The following GIMAP1 variants were observed in gnomAD, a reference collection of about 807,000 sequenced individuals.
GIMAP1 encodes GTPase IMAP family member 1.
For missense variants in GIMAP1, 423 were observed against 411.9 expected, an observed-to-expected ratio of 1.03 and a Z score of -0.23; for synonymous variants, 230 against 187.7, an observed-to-expected ratio of 1.23 and a Z score of -1.84.
chr7:150,720,491 C>A lies in GIMAP1; in HGVS notation c.487C>A (p.His163Asn), dbSNP rs756082459. ...RKEDLAGGSLHDYVSNTENRA... is the reference protein window; with the variant it reads ...RKEDLAGGSLNDYVSNTENRA... ...GGAGGACCTGGCCGGGGGCTCCCTG[C>A]ACGATTACGTGAGCAACACAGAGAA... Residue 163 changes from histidine (H) to asparagine (N), a missense_variant, in exon 3 of 3, where the codon CAC becomes AAC. By Grantham distance (68) the His-to-Asn change is moderately conservative. Transcript: ENST00000307194. The surrounding 1 kb of genome is among the most constrained non-coding windows in gnomAD (Gnocchi z 4.5). The A allele has an allele frequency of 7.6e-6, 12 of 1,580,332 alleles. No individual in the cohort carries two copies. The highest frequency in any genetic ancestry group is 1.0e-5 in the Non-Finnish European group (12 of 1,162,698).
intron 1 of GIMAP1, among the ~76,000 whole-genome samples, 169 bp downstream of exon 1, chr7:150,716,859 G>A (rs986789413): frequency 3.3e-5 from 5 of 152,064 alleles, no homozygotes; most frequent in Non-Finnish European, 7.4e-5. Flanking sequence ...AGTAGGCAAA[G>A]TTCAGAGGAA....
At position 150,720,062 on chromosome 7, in the gene GIMAP1, G is replaced by A. The variant is rs987918385; in HGVS notation, c.58G>A (p.Ala20Thr). ...EENVYGLEEN[A>T]QSRQESTRRL... ...TGGTCTCACAGGTTTAGAAGAGAAC[G>A]CTCAGTCCCGGCAGGAGTCCACGCG... is the stretch of plus-strand genomic sequence containing the variant. Residue 20 changes from alanine to threonine, a missense_variant, in exon 3 of 3, where the codon GCT (alanine) becomes ACT (threonine). Physicochemically the swap from Ala to Thr is moderately conservative, Grantham distance 58 (BLOSUM62 0). Transcript: ENST00000307194. This position sits in a 1 kb window ranked among gnomAD's most constrained non-coding sequence, Gnocchi z 4.5. 8 of 1,599,218 alleles carry A rather than the reference G, an allele frequency of 5.0e-6. No homozygotes were observed. Among genetic ancestry groups the A allele is most frequent in the South Asian group, 1.1e-5 (1 of 89,824 alleles).
At chr7:150,717,069 T>C (rs1797227286) in intron 1 of GIMAP1, among the ~76,000 whole-genome samples, 1 of 152,192 alleles carries the variant, frequency 6.6e-6, no homozygotes, top group South Asian at 2.1e-4. Flanking sequence ...TATGGCCCCA[T>C]AAGCCATCTA....
intron 1 of GIMAP1, among the ~76,000 whole-genome samples, chr7:150,717,447 T>C (rs1000027600): frequency 1.3e-5 from 2 of 152,172 alleles, no homozygotes; most frequent in Non-Finnish European, 2.9e-5. Context: ...GGTGAAGAAC[T>C]CAATAAACTT....
In GIMAP1 at chr7:150,720,598, A is replaced by G. The variant is rs549321304; in HGVS notation, c.594A>G (p.Glu198=). The G allele has an allele frequency of 1.1e-5, 18 of 1,613,810 alleles. No individual in the cohort carries two copies. In the South Asian group the frequency reaches 1.9e-4, roughly 17 times the overall value. The change falls in exon 3 of 3, where the codon GAA becomes GAG. Residue 198 remains glutamate (E), a synonymous_variant. Transcript: ENST00000307194. The surrounding 1 kb of genome is among the most constrained non-coding windows in gnomAD (Gnocchi z 4.5). ...ACCGGGCCACCGGCCGGGAGCAGGA[A>G]GCCCAGGTGGAGCAGCTGCTGGGGA... ...FDNRATGREQ[E]AQVEQLLGMV...
At chr7:150,717,676 T>G (rs533020686) in intron 1 of GIMAP1, among the ~76,000 whole-genome samples, 19 of 152,328 alleles carry the variant, frequency 1.2e-4, no homozygotes, top group African/African-American at 4.6e-4. Flanking sequence ...TTTTCTTGGT[T>G]GACAAGGACA....
At chr7:150,717,528 G>A (rs573295249) in intron 1 of GIMAP1, among the ~76,000 whole-genome samples, 5 of 151,996 alleles carry the variant, frequency 3.3e-5, no homozygotes, top group African/African-American at 1.2e-4. Flanking sequence ...AGGGCCATTT[G>A]TCACCTCAGA....
At chr7:150,719,809 AG>A (rs1322903273) in intron 2 of GIMAP1, among the ~76,000 whole-genome samples, 5 of 152,262 alleles carry the variant, frequency 3.3e-5, no homozygotes, top group African/African-American at 1.2e-4. Context: ...GTGGATGACC[AG>A]AAATGTCAGA....
In GIMAP1 at chr7:150,724,140, G is replaced by T. The variant is rs1797346778; in HGVS notation, c.*3215G>T. On this transcript the variant is annotated 3_prime_UTR_variant, in exon 3 of 3. Transcript: ENST00000307194. Reference sequence around the variant, plus strand: ...AAGAGAATTTCTGTAAATTCTTGGGGAAGCTATAGCTAGACTATGGCTCAA... The same window carrying T: ...AAGAGAATTTCTGTAAATTCTTGGGTAAGCTATAGCTAGACTATGGCTCAA... 1 of 152,080 alleles carries T rather than the reference G, an allele frequency of 6.6e-6. No homozygotes were observed. Among genetic ancestry groups the T allele is most frequent in the East Asian group, 1.9e-4 (1 of 5,170 alleles). 9.4% of individuals were successfully genotyped at this position (152,080 alleles called of 1,614,324 possible). A position where few individuals can be genotyped will look rare whatever the true frequency, so the allele number is the denominator to read the frequency against.
At position 150,723,645 on chromosome 7, in the gene GIMAP1, A is replaced by C. The variant is rs1373196087; in HGVS notation, c.*2720A>C. 6.6e-6 allele frequency: 1 copy of C among 152,138 alleles called. No individual in the cohort carries two copies. Among genetic ancestry groups the C allele is most frequent in the Non-Finnish European group, 1.5e-5 (1 of 68,032 alleles). The allele number at this position is 152,138 out of a possible 1,614,324, so 9.4% of individuals were successfully genotyped here. A position where few individuals can be genotyped will look rare whatever the true frequency, so the allele number is the denominator to read the frequency against. On this transcript the variant is annotated 3_prime_UTR_variant, in exon 3 of 3. Coordinates refer to ENST00000307194, the MANE Select transcript of GIMAP1 (RefSeq NM_130759.4). Reference sequence around the variant, plus strand: ...TAGGCCTTGTGACCTCACTTATGTAATTTGAGTGATTTGATAGCACAAATC... The same window carrying C: ...TAGGCCTTGTGACCTCACTTATGTACTTTGAGTGATTTGATAGCACAAATC...
intron 1 of GIMAP1, among the ~76,000 whole-genome samples, chr7:150,718,075 A>G (rs1002733337): frequency 2.4e-4 from 37 of 152,154 alleles, no homozygotes; most frequent in Non-Finnish European, 4.9e-4. Context: ...CAATAGTCCT[A>G]GGAGGGGAAG....
In GIMAP1 at chr7:150,721,802, A is replaced by AAAGG. The variant is rs1554517144; in HGVS notation, c.*879_*880insGGAA. 1 of 140,596 alleles carries AAAGG rather than the reference A, an allele frequency of 7.1e-6. No individual in the cohort carries two copies. The highest frequency in any genetic ancestry group is 2.9e-5 in the African/African-American group (1 of 34,194). 8.7% of individuals were successfully genotyped at this position (140,596 alleles called of 1,614,324 possible). A position where few individuals can be genotyped will look rare whatever the true frequency, so the allele number is the denominator to read the frequency against. ...AAGCAAGAATCTGTCTCAAAAAAAA[A>AAAGG]AAAAGAAAAGAAAAGAAAAAGAAAA... is the stretch of plus-strand genomic sequence containing the variant. On this transcript the variant is annotated 3_prime_UTR_variant, in exon 3 of 3. Coordinates refer to ENST00000307194, the MANE Select transcript of GIMAP1 (RefSeq NM_130759.4).
rs562054826 is a variant in GIMAP1 at position 150,720,127 on chromosome 7, C to A, written c.123C>A (p.Ser41Arg). ...TTGGGAGAACAGGGGCCGGGAAGAG[C>A]GCCACTGGGAACAGCATCCTGGGCC... ...ILVGRTGAGKSATGNSILGQR... is the reference protein window; with the variant it reads ...ILVGRTGAGKRATGNSILGQR... Residue 41 changes from serine to arginine, a missense_variant, in exon 3 of 3, where the codon AGC (serine) becomes AGA (arginine). Physicochemically the swap from Ser to Arg is moderately radical, Grantham distance 110. Coordinates refer to ENST00000307194, the MANE Select transcript of GIMAP1 (RefSeq NM_130759.4). The surrounding 1 kb of genome is among the most constrained non-coding windows in gnomAD (Gnocchi z 4.5). The A allele has an allele frequency of 2.5e-6, 4 of 1,613,924 alleles. No homozygotes were observed. The highest frequency in any genetic ancestry group is 3.4e-6 in the Non-Finnish European group (4 of 1,180,020).
intron 1 of GIMAP1, among the ~76,000 whole-genome samples, chr7:150,717,574 AC>A (rs1797235550): frequency 6.6e-6 from 1 of 152,012 alleles, no homozygotes; most frequent in Non-Finnish European, 1.5e-5. Context: ...AAAAAAAAAA[AC>A]TATTTAAAAT....
chr7:150,718,940 G>C, intron 1 of GIMAP1, 102 bp from the exon 2 acceptor site: 1 of 1,496,312 alleles, frequency 6.7e-7, no homozygotes, highest in Non-Finnish European at 9.3e-7. Flanking sequence ...CCAGCTCTTT[G>C]GACTTTGCCT....
rs150532918 is a variant in GIMAP1, at chr7:150,724,029, A to G, written c.*3104A>G. 5.4e-4 allele frequency: 82 copies of G among 152,262 alleles called. No individual in the cohort carries two copies. Among genetic ancestry groups the G allele is most frequent in the African/African-American group, 2.0e-3 (82 of 41,530 alleles). The allele number at this position is 152,262 out of a possible 1,614,324, so 9.4% of individuals were successfully genotyped here. A position where few individuals can be genotyped will look rare whatever the true frequency, so the allele number is the denominator to read the frequency against. Reference sequence around the variant, plus strand: ...GTACATTCTTACATATTCTTACACAATCAATATTCAGTTCCAGCCCGCACA... The same window carrying G: ...GTACATTCTTACATATTCTTACACAGTCAATATTCAGTTCCAGCCCGCACA... On this transcript the variant is annotated 3_prime_UTR_variant, in exon 3 of 3. Transcript: ENST00000307194.
rs2286900 is a variant in GIMAP1 at position 150,720,957 on chromosome 7, G to A, written c.*32G>A. ...AGGTCCTAAAACTGAAGGCAACTTG[G>A]TTAAGGGAGGCTGAATTCTTGGAGC... On this transcript the variant is annotated 3_prime_UTR_variant, in exon 3 of 3. Coordinates refer to ENST00000307194, the MANE Select transcript of GIMAP1 (RefSeq NM_130759.4). This position sits in a 1 kb window ranked among gnomAD's most constrained non-coding sequence, Gnocchi z 4.5. The A allele has an allele frequency of 0.1, 147,227 of 1,475,006 alleles. 7,735 individuals are homozygous for A. Among genetic ancestry groups the A allele is most frequent in the East Asian group, 0.19 (7,895 of 41,194 alleles). The allele number at this position is 1,475,006 out of a possible 1,614,324, so 91.4% of individuals were successfully genotyped here.
chr7:150,719,942 C>G, intron 2 of GIMAP1, 106 bp from the exon 3 acceptor site: 1 of 1,409,098 alleles, frequency 7.1e-7, no homozygotes, highest in South Asian at 1.5e-5. Flanking sequence ...AACGCCCAGG[C>G]GTTCAAATCT....
Position 150,720,710 on chromosome 7 carries a change from C to T in GIMAP1, c.706C>T (p.Pro236Ser). ...ELAQVLRWAG[P>S]EERLRRVAER... The stretch of plus-strand genomic sequence containing the variant: ...GGCGCAGGTGCTGCGCTGGGCAGGC[C>T]CTGAGGAGCGGCTCCGGCGGGTGGC... Residue 236 changes from proline to serine, a missense_variant, in exon 3 of 3, where the codon CCT (proline) becomes TCT (serine). By Grantham distance (74) the Pro-to-Ser change is moderately conservative (BLOSUM62 -1). Coordinates refer to ENST00000307194, the MANE Select transcript of GIMAP1 (RefSeq NM_130759.4). This position sits in a 1 kb window ranked among gnomAD's most constrained non-coding sequence, Gnocchi z 4.5. The T allele has an allele frequency of 6.3e-7, 1 of 1,580,412 alleles. No homozygotes were observed. Among genetic ancestry groups the T allele is most frequent in the South Asian group, 1.1e-5 (1 of 87,732 alleles).
Sources: gnomAD v4.1 joint callset for allele counts (sites outside exome capture counted in the v4.1 genomes callset) on GRCh38, gnomAD v4.1.1 for gene constraint, Gnocchi (gnomAD v3.1) non-coding constraint, MANE v1.5 for transcripts, NCBI Gene and HGNC (gene_info 2026-07-23, HGNC 2026-07-21) for gene names.